The following GPSM1 variants were observed in gnomAD, a reference collection of about 807,000 sequenced individuals.
The protein encoded by GPSM1 is G protein signaling modulator 1.
In GPSM1, 48 loss-of-function variants were observed where a neutral mutation model predicts 70.5. The ratio of observed to expected loss-of-function variants is 0.68; its 90% CI spans 0.54 to 0.87. GPSM1 has a LOEUF of 0.87. Ranked by LOEUF, GPSM1 falls within the 40% of genes least tolerant of loss-of-function variation. The pLI, the probability that GPSM1 is intolerant of heterozygous loss-of-function variation, is 0.00. For synonymous variants in GPSM1, 416 were observed against 430.1 expected (o/e 0.97, Z 0.41); for missense variants, 981 against 972.6 (o/e 1.01, Z -0.11).
intron 1 of GPSM1, chr9:136,331,894 C>G (rs979413347): frequency 2.3e-5 from 9 of 397,130 alleles, no homozygotes; most frequent in African/African-American, 1.2e-4. Flanking sequence ...AGCTTTAAAC[C>G]CACCATCCTG....
chr9:136,343,001 G>A lies in GPSM1; in HGVS notation c.1207+2008G>A, dbSNP rs571990708. On this transcript the variant is annotated intron_variant, in intron 9 of 13. Coordinates refer to ENST00000440944, the MANE Select transcript of GPSM1 (RefSeq NM_001145638.3). The surrounding 1 kb of genome is among the most constrained non-coding windows in gnomAD (Gnocchi z 6.0). ...TTGGTGTCCCGTTGATAAACACAAG[G>A]AGACTTACGTGCGGCTGGAGGACAA... Among the ~76,000 whole-genome samples, 1 of 152,248 alleles carries A rather than the reference G, an allele frequency of 6.6e-6. No individual in the cohort carries two copies. Among genetic ancestry groups the A allele is most frequent in the Admixed American group, 6.5e-5 (1 of 15,302 alleles).
chr9:136,332,924 G>T (rs1832137174), intron 1 of GPSM1, among the ~76,000 whole-genome samples: 1 of 151,790 alleles, frequency 6.6e-6, no homozygotes, highest in Non-Finnish European at 1.5e-5. Flanking sequence ...TAGGAGGATG[G>T]CTTGATCCTG....
chr9:136,328,013 C>G (rs1163842133), intron 1 of GPSM1, among the ~76,000 whole-genome samples: 6 of 152,102 alleles, frequency 3.9e-5, no homozygotes, highest in Non-Finnish European at 8.8e-5. Flanking sequence ...GGGTGGGCAG[C>G]TTCTCCAGCC....
In GPSM1 at chr9:136,339,790, A is replaced by G; in HGVS notation, c.1058A>G (p.Lys353Arg). 6.5e-7 allele frequency: 1 copy of G among 1,548,554 alleles called. No homozygotes were observed. The highest frequency in any genetic ancestry group is 8.7e-7 in the Non-Finnish European group (1 of 1,145,484). ...GRPAQALTFA[K>R]KHLQISQEIG... is the part of the protein sequence containing the mutation. ...CCAGCGCAGGCCCTGACCTTCGCCA[A>G]GAAGCACCTGCAGATCTCCCAGGAG... Residue 353 changes from lysine (K) to arginine (R), a missense_variant, in exon 8 of 14, where the codon AAG becomes AGG. By Grantham distance (26) the Lys-to-Arg change is conservative. Transcript: ENST00000440944.
intron 10 of GPSM1, 74 bp downstream of exon 10, chr9:136,348,841 G>GCCAC (rs1832588889): frequency 3.6e-6 from 4 of 1,100,252 alleles, no homozygotes; most frequent in African/African-American, 1.5e-5. Context: ...ATGAGGCAGA[G>GCCAC]CCACCGCCAC....
chr9:136,334,332 GT>G lies in GPSM1; in HGVS notation c.69-114del. 4.3e-6 allele frequency: 3 copies of G among 695,662 alleles called. No homozygotes were observed. The South Asian group carries it at 5.2e-5, about 12-fold the overall frequency. 43.1% of individuals were successfully genotyped at this position (695,662 alleles called of 1,614,324 possible). On this transcript the variant is annotated intron_variant, in intron 1 of 13. Coordinates refer to ENST00000440944, the MANE Select transcript of GPSM1 (RefSeq NM_001145638.3). ...GACACTTAGGTCTGTGAGCACAGAT[GT>G]GGTGTGTGCCCTAGCCCACCCAGGG...
At chr9:136,349,810 G>T in intron 11 of GPSM1, 47 bp downstream of exon 11, 1 of 1,494,836 alleles carries the variant, frequency 6.7e-7, no homozygotes, top group South Asian at 1.3e-5. Context: ...AGGAGAGCTT[G>T]GCAACTGCGC....
chr9:136,340,749 G>A lies in GPSM1; in HGVS notation c.1084-121G>A. 1 of 1,361,536 alleles carries A rather than the reference G, an allele frequency of 7.3e-7. No individual in the cohort carries two copies. The highest frequency in any genetic ancestry group is 9.7e-7 in the Non-Finnish European group (1 of 1,030,930). The allele number at this position is 1,361,536 out of a possible 1,614,324, so 84.3% of individuals were successfully genotyped here. ...TTCCCTCAGAGGCCCAGGGGTCAGTGACCAGTTCAGGTCACTCAGAAGGTC... is the reference window on the plus strand; with the variant it reads ...TTCCCTCAGAGGCCCAGGGGTCAGTAACCAGTTCAGGTCACTCAGAAGGTC... On this transcript the variant is annotated intron_variant, in intron 8 of 13. Coordinates refer to ENST00000440944, the MANE Select transcript of GPSM1 (RefSeq NM_001145638.3). This position sits in a 1 kb window ranked among gnomAD's most constrained non-coding sequence, Gnocchi z 7.3.
chr9:136,353,088 G>C, intron 11 of GPSM1: 1 of 985,498 alleles, frequency 1.0e-6, no homozygotes, highest in Non-Finnish European at 1.2e-6. Context: ...CTTGTGTCCT[G>C]CCTGCGCTCT....
chr9:136,338,455 C>T (rs955001691), intron 6 of GPSM1, 100 bp from the exon 7 acceptor site: 16 of 1,165,160 alleles, frequency 1.4e-5, no homozygotes, highest in Non-Finnish European at 1.9e-5. Context: ...AGTGGGATTC[C>T]GGGGCAGGGG....
At chr9:136,335,065 G>T (rs1383408042) in intron 2 of GPSM1, among the ~76,000 whole-genome samples, 3 of 152,172 alleles carry the variant, frequency 2.0e-5, no homozygotes, top group Admixed American at 1.3e-4. Flanking sequence ...GGGTCTGTGT[G>T]TCTGCGTGTG....
intron 1 of GPSM1, among the ~76,000 whole-genome samples, chr9:136,332,718 AG>A (rs1832131005): frequency 1.3e-5 from 2 of 150,882 alleles, no homozygotes; most frequent in Non-Finnish European, 1.5e-5. Context: ...GGGATGGGTG[AG>A]GTGGCTGTGA....
At chr9:136,331,364 G>GC (rs33950584) in intron 1 of GPSM1, among the ~76,000 whole-genome samples, 24,655 of 126,126 alleles carry the variant, frequency 0.2, 2,783 homozygotes, top group South Asian at 0.24. Flanking sequence ...AGGACTCTGA[G>GC]CCCCCCCCCC....
intron 4 of GPSM1, 136 bp downstream of exon 4, chr9:136,337,208 C>G (rs1158024475): frequency 9.5e-7 from 1 of 1,047,924 alleles, no homozygotes; most frequent in East Asian, 2.6e-5. Flanking sequence ...GTCCGCCCAC[C>G]CCCGCTTTCT....
rs782745215 is a variant in GPSM1, at chr9:136,349,701, C to T, written c.1393C>T (p.Pro465Ser). The T allele has an allele frequency of 5.1e-6, 8 of 1,566,356 alleles. 1 individual carries two copies. The South Asian group carries it at 8.2e-5, about 16-fold the overall frequency. ...GGAAGGCCCGGACGCTGAGAGGAGG[C>T]CCCGGGAGGGCAGCCACTCCCCGCT... ...YQEGPDAERRPREGSHSPLDS... is the reference protein window; with the variant it reads ...YQEGPDAERRSREGSHSPLDS... Residue 465 changes from proline to serine, a missense_variant, in exon 11 of 14, where the codon CCC becomes TCC. Pro to Ser is a moderately conservative substitution (Grantham distance 74). Coordinates refer to ENST00000440944, the MANE Select transcript of GPSM1 (RefSeq NM_001145638.3).
Position 136,352,405 on chromosome 9 carries a change from G to A in GPSM1, c.1455+2642G>A, listed in dbSNP as rs375032446. Among the ~76,000 whole-genome samples, 20 of 152,168 alleles carry A rather than the reference G, an allele frequency of 1.3e-4. No individual in the cohort carries two copies. In the East Asian group the frequency reaches 2.0e-3, roughly 15 times the overall value. On this transcript the variant is annotated intron_variant, in intron 11 of 13. Coordinates refer to ENST00000440944, the MANE Select transcript of GPSM1 (RefSeq NM_001145638.3). ...CAGGGGCCTTGCAGCCAGCACATTC[G>A]GGGCTTTGGGATCTGAGGCGGTGTG...
intron 1 of GPSM1, among the ~76,000 whole-genome samples, chr9:136,331,691 G>A (rs1439033732): frequency 6.6e-6 from 1 of 152,216 alleles, no homozygotes; most frequent in East Asian, 1.9e-4. Context: ...AGGAGTTGGC[G>A]GGTGACTGAC....
Position 136,338,680 on chromosome 9 carries a change from AC to A in GPSM1, c.946del (p.Leu316CysfsTer34). 1 of 1,567,668 alleles carries A rather than the reference AC, an allele frequency of 6.4e-7. No individual in the cohort carries two copies. Among genetic ancestry groups the A allele is most frequent in the Non-Finnish European group, 8.6e-7 (1 of 1,157,814 alleles). Reference protein sequence around the residue: ...YERAAEYHLRHLLIAQELADR... With the variant: ...YERAAEYHLRXLLIAQELADR... ...CGCGCGGCCGAGTACCACCTGCGGC[AC>A]CTGCTCATTGCCCAGGAGCTGGCCG... On this transcript the variant is annotated frameshift_variant, in exon 7 of 14. Transcript: ENST00000440944. LOFTEE classifies it high-confidence loss of function.
chr9:136,334,968 G>A (rs903091034), intron 2 of GPSM1, among the ~76,000 whole-genome samples: 2 of 152,192 alleles, frequency 1.3e-5, no homozygotes, highest in African/African-American at 4.8e-5. Flanking sequence ...GGGTCTAAGG[G>A]AACGCAGTGG....
Sources: allele counts gnomAD v4.1 joint callset (sites outside exome capture counted in the v4.1 genomes callset), GRCh38; gene constraint gnomAD v4.1.1; non-coding constraint Gnocchi (gnomAD v3.1); transcripts MANE v1.5; gene names NCBI Gene and HGNC (gene_info 2026-07-23, HGNC 2026-07-21).